MAP4: variants seen among roughly 807,000 people sequenced by gnomAD.
The protein encoded by MAP4 is microtubule-associated protein 4.
MAP4 carries 76 observed loss-of-function variants against 170.2 expected under a neutral mutation model. That is an observed-to-expected ratio of 0.45 (90% CI 0.37 to 0.54). MAP4 has a LOEUF of 0.54. Ranked by LOEUF, MAP4 falls within the 20% of genes least tolerant of loss-of-function variation. The pLI, the probability that MAP4 is intolerant of heterozygous loss-of-function variation, is 0.00. For missense variants in MAP4, 2,506 were observed against 2,748.0 expected (o/e 0.91, Z 1.97); for synonymous variants, 909 against 994.5 (o/e 0.91, Z 1.62).
intron 10 of MAP4, among the ~76,000 whole-genome samples, chr3:47,893,431 T>A (rs947315500): frequency 1.3e-5 from 2 of 152,188 alleles, no homozygotes; most frequent in African/African-American, 4.8e-5. Context: ...TGCATCTTTC[T>A]CTGACCTCCA....
rs2100036390 is a variant in MAP4, at chr3:47,912,360, G to A, written c.2061C>T (p.Asp687=). 3 of 1,534,414 alleles carry A rather than the reference G, an allele frequency of 2.0e-6. No homozygotes were observed. Among genetic ancestry groups the A allele is most frequent in the Middle Eastern group, 3.3e-4 (2 of 5,996 alleles). Residue 687 remains aspartate (D), a synonymous_variant, in exon 9 of 21, where the codon GAC becomes GAT. Coordinates refer to ENST00000683076, the MANE Select transcript of MAP4 (RefSeq NM_001385682.1). ...TQAKQVCRPS[D]RRSTRPKPAR... ...CAGGCTTGGGCCGGGTTGACCTGCG[G>A]TCACTGGGTCTGCAAACTTGTTTGG...
At chr3:48,031,628 G>A (rs2100116159) in intron 1 of MAP4, among the ~76,000 whole-genome samples, 1 of 152,170 alleles carries the variant, frequency 6.6e-6, no homozygotes, top group Non-Finnish European at 1.5e-5. Context: ...GGGAGGCTGA[G>A]GTGGGAGGAT....
rs1198506053 is a variant in MAP4, at chr3:48,054,122, T to C, written c.-20+34651A>G. Among the ~76,000 whole-genome samples, 10 of 151,502 alleles carry C rather than the reference T, an allele frequency of 6.6e-5. No homozygotes were observed. The East Asian group carries it at 2.0e-3, about 30-fold the overall frequency. On this transcript the variant is annotated intron_variant, in intron 1 of 18. Coordinates refer to the MAP4 transcript ENST00000360240. ...ACCAAGACCATCCTGGCCAACATGG[T>C]GAAACCCCATCTCTACTAAAAATAC...
intron 2 of MAP4, among the ~76,000 whole-genome samples, chr3:47,991,916 C>T (rs1327009725): frequency 2.0e-5 from 3 of 151,898 alleles, no homozygotes; most frequent in African/African-American, 7.3e-5. Context: ...GGTGATCCAC[C>T]CGCCTCAGCC....
At chr3:47,954,749 A>G (rs1336872382) in intron 3 of MAP4, among the ~76,000 whole-genome samples, 1 of 152,224 alleles carries the variant, frequency 6.6e-6, no homozygotes, top group East Asian at 1.9e-4. Context: ...GAGTGCTGAC[A>G]GTGGTCAGGT....
In MAP4 at chr3:47,871,291, A is replaced by G. The variant is rs2092502009; in HGVS notation, c.5942-5T>C. The stretch of plus-strand genomic sequence containing the variant: ...GTTTTCCCTCAGTCTTAATGGCTGT[A>G]CAAAATATACTTATTAATATAACAT... On this transcript the variant is annotated splice_region_variant and splice_polypyrimidine_tract_variant and intron_variant, in intron 13 of 20. Transcript: ENST00000683076. The G allele has an allele frequency of 7.5e-6, 12 of 1,608,344 alleles. No individual in the cohort carries two copies. The highest frequency in any genetic ancestry group is 1.0e-5 in the Non-Finnish European group (12 of 1,174,816).
intron 1 of MAP4, among the ~76,000 whole-genome samples, chr3:48,059,880 T>C (rs1045300269): frequency 5.3e-5 from 8 of 151,632 alleles, no homozygotes; most frequent in Admixed American, 3.3e-4. Context: ...CTCAGGAGGC[T>C]GAGGCAGGAG....
At position 47,910,947 on chromosome 3, in the gene MAP4, A is replaced by T; in HGVS notation, c.3474T>A (p.Ile1158=). The change falls in exon 9 of 21, where the codon ATT becomes ATA. Residue 1158 remains isoleucine (I), a synonymous_variant. Coordinates refer to ENST00000683076, the MANE Select transcript of MAP4 (RefSeq NM_001385682.1). The stretch of plus-strand genomic sequence containing the variant: ...TCATGCCTGATCCACTTTCCAAAGG[A>T]ATCAATGCCTGCATGGTGCCTGCCA... The part of the protein sequence containing the change: ...PKVAGTMQAL[I]PLESGSGMTQ... 1 of 1,536,092 alleles carries T rather than the reference A, an allele frequency of 6.5e-7. No individual in the cohort carries two copies. Among genetic ancestry groups the T allele is most frequent in the Non-Finnish European group, 8.7e-7 (1 of 1,146,884 alleles).
chr3:47,908,045 G>GTTTTTTTTT (rs2100034055), intron 9 of MAP4, among the ~76,000 whole-genome samples: 1 of 140,990 alleles, frequency 7.1e-6, no homozygotes, highest in South Asian at 2.4e-4. Context: ...AAAACCAATT[G>GTTTTTTTTT]GTGTTTTTTT....
intron 1 of MAP4, among the ~76,000 whole-genome samples, chr3:48,050,797 C>T (rs554989930): frequency 6.6e-5 from 10 of 150,458 alleles, no homozygotes; most frequent in Admixed American, 4.7e-4. Context: ...CCCAGCTACT[C>T]GGGAGGCTGA....
intron 5 of MAP4, among the ~76,000 whole-genome samples, chr3:47,919,970 ATATT>A (rs923677499): frequency 3.0e-4 from 46 of 151,662 alleles, no homozygotes; most frequent in Non-Finnish European, 4.9e-4. Context: ...TATTTTTATT[ATATT>A]TATTTATTAA....
chr3:47,996,373 C>A (rs889152738), intron 2 of MAP4, among the ~76,000 whole-genome samples: 3 of 152,000 alleles, frequency 2.0e-5, no homozygotes, highest in African/African-American at 7.3e-5. Flanking sequence ...CAGGATTAAG[C>A]ACAAAATGGG....
chr3:48,066,654 C>T (rs1474033647), intron 1 of MAP4, among the ~76,000 whole-genome samples: 1 of 151,798 alleles, frequency 6.6e-6, no homozygotes, highest in Non-Finnish European at 1.5e-5. Flanking sequence ...CCAAGTATAT[C>T]GCAGGACATG....
intron 3 of MAP4, among the ~76,000 whole-genome samples, chr3:47,931,527 G>C (rs1388199052): frequency 6.6e-6 from 1 of 151,992 alleles, no homozygotes; most frequent in Non-Finnish European, 1.5e-5. Context: ...ATCCAGGCTG[G>C]AATGCAGCGG....
chr3:48,046,909 A>G (rs889993288), intron 1 of MAP4, among the ~76,000 whole-genome samples: 2 of 151,822 alleles, frequency 1.3e-5, no homozygotes, highest in African/African-American at 4.8e-5. Flanking sequence ...CCTGGTTAAC[A>G]CGGTTAAACC....
intron 1 of MAP4, among the ~76,000 whole-genome samples, chr3:48,011,068 G>A (rs964733138): frequency 2.0e-5 from 3 of 152,062 alleles, no homozygotes. Context: ...GACAAAAACT[G>A]ATAGCTTTGC....
intron 8 of MAP4, among the ~76,000 whole-genome samples, chr3:47,914,173 G>A (rs1395420736): frequency 9.2e-5 from 14 of 152,100 alleles, no homozygotes. Flanking sequence ...TGAGATATAG[G>A]CAAGTTATGT....
At chr3:48,057,846 T>A (rs1034913134) in intron 1 of MAP4, among the ~76,000 whole-genome samples, 1 of 152,158 alleles carries the variant, frequency 6.6e-6, no homozygotes, top group African/African-American at 2.4e-5. Context: ...ACAAGGGATA[T>A]CTCTGTATTA....
chr3:47,884,105 G>A (rs2097200751), intron 10 of MAP4, among the ~76,000 whole-genome samples: 1 of 152,120 alleles, frequency 6.6e-6, no homozygotes, highest in Admixed American at 6.6e-5. Flanking sequence ...CTCCTCTCCT[G>A]AGATTCTGAT....
Sources: allele counts gnomAD v4.1 joint callset (sites outside exome capture counted in the v4.1 genomes callset), GRCh38; gene constraint gnomAD v4.1.1; transcripts MANE v1.5; gene names NCBI Gene and HGNC (gene_info 2026-07-23, HGNC 2026-07-21).